The following FANCD2OS variants were observed in gnomAD, a reference collection of about 807,000 sequenced individuals.
The protein encoded by FANCD2OS is FANCD2 opposite strand.
Under a neutral mutation model 13.2 loss-of-function variants are expected in FANCD2OS, and 11 were observed. The ratio of observed to expected loss-of-function variants is 0.83; its 90% CI spans 0.52 to 1.38. The LOEUF (loss-of-function observed/expected upper bound fraction) is 1.38, where lower values mean the gene tolerates loss of function less well. FANCD2OS is among the 40% of genes most tolerant of loss of function. FANCD2OS has a pLI of 0.00. For missense variants in FANCD2OS, 217 were observed against 213.9 expected (o/e 1.01, Z -0.09); for synonymous variants, 69 against 84.5 (o/e 0.82, Z 1.01).
downstream of FANCD2OS, chr3:10,101,138 A>T: frequency 7.2e-7 from 1 of 1,384,968 alleles, no homozygotes; most frequent in African/African-American, 1.4e-5. Flanking sequence ...TCCAGAGGTC[A>T]CCCAGAGCAG....
At chr3:10,090,388 G>A in intron 2 of FANCD2OS, 1 of 1,578,008 alleles carries the variant, frequency 6.3e-7, no homozygotes, top group Admixed American at 1.7e-5. Flanking sequence ...CGCAGCAGGT[G>A]AGTAAGATAA....
At chr3:10,108,318 C>T (rs1182108365), upstream of FANCD2OS, 4 of 152,212 alleles carry the variant, frequency 2.6e-5, no homozygotes, top group Non-Finnish European at 4.4e-5. Flanking sequence ...CCTTTGTGAC[C>T]CAGGACGGCA....
intron 2 of FANCD2OS, chr3:10,092,093 G>A: frequency 1.1e-6 from 1 of 938,380 alleles, no homozygotes; most frequent in Non-Finnish European, 1.8e-6. Context: ...GTATAGCTAT[G>A]TAATTCAAGA....
At chr3:10,098,972 T>A, downstream of FANCD2OS, 1 of 1,614,156 alleles carries the variant, frequency 6.2e-7, no homozygotes, top group Non-Finnish European at 8.5e-7. Context: ...CTTATATAAT[T>A]TTTGGGACCC....
chr3:10,093,673 C>G (rs1288167649), intron 2 of FANCD2OS, among the ~76,000 whole-genome samples: 1 of 152,152 alleles, frequency 6.6e-6, no homozygotes, highest in African/African-American at 2.4e-5. Context: ...GGTGGCCTTA[C>G]AAATGTGGGA....
chr3:10,096,396 G>T, intron 2 of FANCD2OS: 1 of 1,614,106 alleles, frequency 6.2e-7, no homozygotes, highest in Non-Finnish European at 8.5e-7. Flanking sequence ...TTAGTTTGCA[G>T]AGTCAAAGCT....
At chr3:10,099,381 T>G (rs3826), downstream of FANCD2OS, 203,868 of 1,116,334 alleles carry the variant, frequency 0.18, 21,574 homozygotes, top group African/African-American at 0.47. Flanking sequence ...CTAGCACTTT[T>G]TGAGGCCAAG....
chr3:10,081,475 G>A lies in FANCD2OS; in HGVS notation c.*100C>T. 1 of 1,557,830 alleles carries A rather than the reference G, an allele frequency of 6.4e-7. No individual in the cohort carries two copies. Among genetic ancestry groups the A allele is most frequent in the South Asian group, 1.1e-5 (1 of 89,958 alleles). On this transcript the variant is annotated 3_prime_UTR_variant, in exon 3 of 3. Coordinates refer to the FANCD2OS transcript ENST00000524279. ...TGGGCTTTTTGCTTGGTAAGTATGT[G>A]GGAAGTGTGGAGAGAACTGAGTATA...
intron 2 of FANCD2OS, chr3:10,095,290 G>A: frequency 1.2e-6 from 2 of 1,610,586 alleles, no homozygotes; most frequent in Non-Finnish European, 1.7e-6. Flanking sequence ...AAGGGGAGCA[G>A]GTTCTATCAG....
At chr3:10,102,994 C>T (rs991494275), downstream of FANCD2OS, 13 of 375,006 alleles carry the variant, frequency 3.5e-5, no homozygotes, top group South Asian at 7.8e-5. Flanking sequence ...TTGTGGGTCA[C>T]CGCTGTAATC....
intron 1 of FANCD2OS, among the ~76,000 whole-genome samples, chr3:10,105,774 A>AT (rs1695473592): frequency 8.7e-4 from 8 of 9,172 alleles, no homozygotes; most frequent in African/African-American, 5.5e-3. Context: ...AAAAAAAATT[A>AT]TATATATATA....
intron 2 of FANCD2OS, among the ~76,000 whole-genome samples, chr3:10,083,329 G>A (rs868433122): frequency 1.3e-5 from 2 of 152,116 alleles, no homozygotes; most frequent in East Asian, 1.9e-4. Context: ...ATGAAAGGAT[G>A]TTTATTACTT....
chr3:10,097,254 A>G (rs1253059440), intron 2 of FANCD2OS, among the ~76,000 whole-genome samples: 1 of 152,224 alleles, frequency 6.6e-6, no homozygotes, highest in Non-Finnish European at 1.5e-5. Context: ...ATAACATCTT[A>G]TCAGGAGACA....
chr3:10,098,596 T>A, downstream of FANCD2OS: 2 of 1,159,692 alleles, frequency 1.7e-6, no homozygotes, highest in Non-Finnish European at 2.5e-6. Context: ...TTGGTATCCA[T>A]GTTTGCTGTG....
At chr3:10,098,722 T>A (rs1249885397), downstream of FANCD2OS, 1 of 1,613,910 alleles carries the variant, frequency 6.2e-7, no homozygotes, top group East Asian at 2.2e-5. Context: ...ACATTTAGGG[T>A]GAAGAGATTA....
chr3:10,102,097 T>C (rs2125106839), downstream of FANCD2OS, among the ~76,000 whole-genome samples: 1 of 152,142 alleles, frequency 6.6e-6, no homozygotes, highest in Middle Eastern at 3.4e-3. Flanking sequence ...TGAGATGAGA[T>C]ATATCTGATC....
At chr3:10,084,743 A>T (rs1013038954) in intron 2 of FANCD2OS, among the ~76,000 whole-genome samples, 2 of 152,230 alleles carry the variant, frequency 1.3e-5, no homozygotes, top group Non-Finnish European at 2.9e-5. Context: ...GTGATCAGGA[A>T]GATGCTTCTA....
chr3:10,084,547 G>A (rs919092359), intron 2 of FANCD2OS, among the ~76,000 whole-genome samples: 13 of 150,776 alleles, frequency 8.6e-5, no homozygotes, highest in South Asian at 4.2e-4. Context: ...TGATCCACCC[G>A]CCTCAGCCTC....
intron 2 of FANCD2OS, among the ~76,000 whole-genome samples, chr3:10,095,927 G>C (rs940906258): frequency 4.8e-5 from 7 of 146,318 alleles, no homozygotes; most frequent in Non-Finnish European, 1.0e-4. Context: ...TGTAGCCCAG[G>C]CCGGAGTGCA....
Sources: allele counts gnomAD v4.1 joint callset (sites outside exome capture counted in the v4.1 genomes callset), GRCh38; gene constraint gnomAD v4.1.1; transcripts MANE v1.5; gene names NCBI Gene and HGNC (gene_info 2026-07-23, HGNC 2026-07-21).